MAFB: variants seen among roughly 807,000 people sequenced by gnomAD.
MAFB encodes MAF bZIP transcription factor B, also known as transcription factor MafB.
A neutral mutation model predicts 17.7 loss-of-function variants in MAFB; 3 were observed. The observed-to-expected ratio is 0.17, with a 90% CI of 0.08 to 0.44. The LOEUF (loss-of-function observed/expected upper bound fraction) is 0.44. Ranked by LOEUF, MAFB falls within the 20% of genes least tolerant of loss-of-function variation. The pLI is 0.99. For missense variants in MAFB, 355 were observed against 461.3 expected (o/e 0.77, Z 2.11); for synonymous variants, 214 against 211.5 (o/e 1.01, Z -0.10).
Position 40,689,167 on chromosome 20 carries a change from C to A in MAFB, c.-317G>T. On this transcript the variant is annotated 5_prime_UTR_variant, in exon 1 of 1. Transcript: ENST00000373313. ...GGAGGCGTGGGGCGAGTGCCCGTTG[C>A]TCGCTCTCTAGCTCTCTTGCTCTTA... is the stretch of plus-strand genomic sequence containing the variant. 1 of 385,292 alleles carries A rather than the reference C, an allele frequency of 2.6e-6. No homozygotes were observed. The highest frequency in any genetic ancestry group is 4.7e-6 in the Non-Finnish European group (1 of 214,718). The allele number at this position is 385,292 out of a possible 1,614,324, so 23.9% of individuals were successfully genotyped here.
chr20:40,688,859 C>A lies in MAFB; in HGVS notation c.-9G>T. On this transcript the variant is annotated 5_prime_UTR_variant, in exon 1 of 1. Transcript: ENST00000373313. ...CTCAGCTCCGCGGCCATCGCTGAAG[C>A]GAGGCGCAGCCGCCGCTGCCGCCCG... 1 of 1,577,358 alleles carries A rather than the reference C, an allele frequency of 6.3e-7. No individual in the cohort carries two copies.
In MAFB at chr20:40,687,637, G is replaced by C. The variant is rs1986860295; in HGVS notation, c.*242C>G. ...CTCCCACCCTCTCGTCTCTCTCTCC[G>C]GCTCTGCTCGAGTCTAGGAGGCGGC... On this transcript the variant is annotated 3_prime_UTR_variant, in exon 1 of 1. Transcript: ENST00000373313. 3.4e-6 allele frequency: 2 copies of C among 592,342 alleles called. No homozygotes were observed. The highest frequency in any genetic ancestry group is 1.9e-5 in the African/African-American group (1 of 53,738). 36.7% of individuals were successfully genotyped at this position (592,342 alleles called of 1,614,324 possible).
Position 40,687,567 on chromosome 20 carries a change from C to A in MAFB, c.*312G>T. 4 of 538,748 alleles carry A rather than the reference C, an allele frequency of 7.4e-6. No homozygotes were observed. Among genetic ancestry groups the A allele is most frequent in the South Asian group, 2.6e-5 (1 of 38,804 alleles). 33.4% of individuals were successfully genotyped at this position (538,748 alleles called of 1,614,324 possible). Reference sequence around the variant, plus strand: ...AGATGGCCTTGGTGACTTCTCGGGACTATGCCTCGCCGCCCTTCAGCCTGG... The same window carrying A: ...AGATGGCCTTGGTGACTTCTCGGGAATATGCCTCGCCGCCCTTCAGCCTGG... On this transcript the variant is annotated 3_prime_UTR_variant, in exon 1 of 1. Coordinates refer to ENST00000373313, the MANE Select transcript of MAFB (RefSeq NM_005461.5).
At position 40,688,695 on chromosome 20, in the gene MAFB, G is replaced by A. The variant is rs1156790263; in HGVS notation, c.156C>T (p.Ala52=). ...TGAGCGGTGTGGAGGACACCGAGCC[G>A]GCTGGCTGCAGGCGTGTGCAGGGCC... ...PGRPCTRLQP[A]GSVSSTPLST... Residue 52 remains alanine (A), a synonymous_variant, in exon 1 of 1, where the codon GCC becomes GCT. Transcript: ENST00000373313. The A allele has an allele frequency of 1.9e-6, 3 of 1,613,896 alleles. No homozygotes were observed. The highest frequency in any genetic ancestry group is 2.5e-6 in the Non-Finnish European group (3 of 1,179,914).
chr20:40,686,711 G>C lies in MAFB; in HGVS notation c.*1168C>G, dbSNP rs1986836547. ...ATTAAGGGTATCAATTTGACCATAAGACAAGGCTGTAGTCCAGAACACTCC... is the reference window on the plus strand; with the variant it reads ...ATTAAGGGTATCAATTTGACCATAACACAAGGCTGTAGTCCAGAACACTCC... On this transcript the variant is annotated 3_prime_UTR_variant, in exon 1 of 1. Coordinates refer to ENST00000373313, the MANE Select transcript of MAFB (RefSeq NM_005461.5). The C allele has an allele frequency of 2.5e-6, 1 of 398,468 alleles. No homozygotes were observed. Among genetic ancestry groups the C allele is most frequent in the African/African-American group, 2.1e-5 (1 of 48,618 alleles). 24.7% of individuals were successfully genotyped at this position (398,468 alleles called of 1,614,324 possible).
At position 40,687,741 on chromosome 20, in the gene MAFB, C is replaced by G. The variant is rs976593213; in HGVS notation, c.*138G>C. On this transcript the variant is annotated 3_prime_UTR_variant, in exon 1 of 1. Transcript: ENST00000373313. ...CGCCCGTCGCCCGCGGCCCGCGCGC[C>G]CTTCCTCCCTCTCGCTCAAGTCAAA... is the stretch of plus-strand genomic sequence containing the variant. The G allele has an allele frequency of 4.6e-5, 53 of 1,143,748 alleles. No individual in the cohort carries two copies. The highest frequency in any genetic ancestry group is 2.9e-5 in the Admixed American group (1 of 35,032). The allele number at this position is 1,143,748 out of a possible 1,614,324, so 70.8% of individuals were successfully genotyped here. A position where few individuals can be genotyped will look rare whatever the true frequency, so the allele number is the denominator to read the frequency against.
chr20:40,686,935 G>A lies in MAFB; in HGVS notation c.*944C>T. ...ACAAAGTTGTTTTCTGATGCAAAAT[G>A]CCCGGAACTTTTTCTTTTTTTTTTT... On this transcript the variant is annotated 3_prime_UTR_variant, in exon 1 of 1. Transcript: ENST00000373313. 2 of 393,760 alleles carry A rather than the reference G, an allele frequency of 5.1e-6. No homozygotes were observed. Among genetic ancestry groups the A allele is most frequent in the Admixed American group, 8.9e-5 (2 of 22,414 alleles). The allele number at this position is 393,760 out of a possible 1,614,324, so 24.4% of individuals were successfully genotyped here.
In MAFB at chr20:40,687,087, C is replaced by T. The variant is rs1345387630; in HGVS notation, c.*792G>A. 1 of 398,794 alleles carries T rather than the reference C, an allele frequency of 2.5e-6. No individual in the cohort carries two copies. The highest frequency in any genetic ancestry group is 4.4e-6 in the Non-Finnish European group (1 of 226,058). The allele number at this position is 398,794 out of a possible 1,614,324, so 24.7% of individuals were successfully genotyped here. On this transcript the variant is annotated 3_prime_UTR_variant, in exon 1 of 1. Transcript: ENST00000373313. The stretch of plus-strand genomic sequence containing the variant: ...AAGCCTACAGCTGGGACTGAAACCC[C>T]GCACGCAGCCGCCGGAGTTTCCAAA...
At position 40,686,187 on chromosome 20, in the gene MAFB, TC is replaced by T. The variant is rs1192301199; in HGVS notation, c.*1691del. The T allele has an allele frequency of 1.4e-5, 3 of 207,188 alleles. No individual in the cohort carries two copies. Among genetic ancestry groups the T allele is most frequent in the Non-Finnish European group, 3.0e-5 (3 of 101,512 alleles). The allele number at this position is 207,188 out of a possible 1,614,324, so 12.8% of individuals were successfully genotyped here. On this transcript the variant is annotated 3_prime_UTR_variant, in exon 1 of 1. Transcript: ENST00000373313. The stretch of plus-strand genomic sequence containing the variant: ...CAACTAATACAAACTCAAAAATGCA[TC>T]CGGCCAGCAGCGCCAGCAATTTCAA...
rs1986918892 is a variant in MAFB, at chr20:40,689,124, C to T, written c.-274G>A. On this transcript the variant is annotated 5_prime_UTR_variant, in exon 1 of 1. Transcript: ENST00000373313. ...GGGCGGGGTGGAGAGGCAAGCGGAG[C>T]GCGCGGTGGGGCTGAGGGGAGGCGT... The T allele has an allele frequency of 9.4e-6, 4 of 427,402 alleles. No homozygotes were observed. The East Asian group carries it at 1.5e-4, about 16-fold the overall frequency. The allele number at this position is 427,402 out of a possible 1,614,324, so 26.5% of individuals were successfully genotyped here. A position where few individuals can be genotyped will look rare whatever the true frequency, so the allele number is the denominator to read the frequency against.
Position 40,688,585 on chromosome 20 carries a change from G to T in MAFB, c.266C>A (p.Ala89Glu). 6.2e-7 allele frequency: 1 copy of T among 1,614,104 alleles called. No individual in the cohort carries two copies. The highest frequency in any genetic ancestry group is 8.5e-7 in the Non-Finnish European group (1 of 1,179,982). Residue 89 changes from alanine to glutamate, a missense_variant, in exon 1 of 1, where the codon GCG (alanine) becomes GAG (glutamate). Coordinates refer to ENST00000373313, the MANE Select transcript of MAFB (RefSeq NM_005461.5). The stretch of plus-strand genomic sequence containing the variant: ...GGGGTTCATCTGCTGGTAGTTGCTC[G>T]CCATCCAGTACAGATCCTCGAGGTG... ...KTHLEDLYWMASNYQQMNPEA... is the reference protein window; with the variant it reads ...KTHLEDLYWMESNYQQMNPEA...
Position 40,688,089 on chromosome 20 carries a change from A to T in MAFB, c.762T>A (p.Ser254=). ...RTLKNRGYAQ[S]CRYKRVQQKH... ...TCTGCTGGACGCGTTTATACCTGCA[A>T]GACTGGGCGTAGCCCCGGTTCTTCA... The change falls in exon 1 of 1, where the codon TCT becomes TCA. Residue 254 remains serine, a synonymous_variant. Coordinates refer to ENST00000373313, the MANE Select transcript of MAFB (RefSeq NM_005461.5). The T allele has an allele frequency of 6.2e-7, 1 of 1,614,008 alleles. No homozygotes were observed. The highest frequency in any genetic ancestry group is 8.5e-7 in the Non-Finnish European group (1 of 1,180,032).
chr20:40,688,933 A>G lies in MAFB; in HGVS notation c.-83T>C, dbSNP rs1986911101. 3 of 1,478,922 alleles carry G rather than the reference A, an allele frequency of 2.0e-6. No individual in the cohort carries two copies. Among genetic ancestry groups the G allele is most frequent in the South Asian group, 1.4e-5 (1 of 72,004 alleles). 91.6% of individuals were successfully genotyped at this position (1,478,922 alleles called of 1,614,324 possible). On this transcript the variant is annotated 5_prime_UTR_variant, in exon 1 of 1. Coordinates refer to ENST00000373313, the MANE Select transcript of MAFB (RefSeq NM_005461.5). ...CGCGCCGAGCCAAGCGCGGGGGGGA[A>G]GAGCGGAGAAGAGCTGGGGAGGCGG...
At position 40,688,929 on chromosome 20, in the gene MAFB, G is replaced by T. The variant is rs2123044696; in HGVS notation, c.-79C>A. 6.7e-7 allele frequency: 1 copy of T among 1,500,518 alleles called. No individual in the cohort carries two copies. The highest frequency in any genetic ancestry group is 8.8e-7 in the Non-Finnish European group (1 of 1,133,278). 93.0% of individuals were successfully genotyped at this position (1,500,518 alleles called of 1,614,324 possible). On this transcript the variant is annotated 5_prime_UTR_variant, in exon 1 of 1. Coordinates refer to ENST00000373313, the MANE Select transcript of MAFB (RefSeq NM_005461.5). ...GGAGCGCGCCGAGCCAAGCGCGGGG[G>T]GGAAGAGCGGAGAAGAGCTGGGGAG... is the stretch of plus-strand genomic sequence containing the variant.
chr20:40,686,750 G>A lies in MAFB; in HGVS notation c.*1129C>T. 5.0e-6 allele frequency: 2 copies of A among 398,660 alleles called. No homozygotes were observed. The highest frequency in any genetic ancestry group is 4.4e-5 in the Admixed American group (1 of 22,732). The allele number at this position is 398,660 out of a possible 1,614,324, so 24.7% of individuals were successfully genotyped here. A position where few individuals can be genotyped will look rare whatever the true frequency, so the allele number is the denominator to read the frequency against. ...CCAGAACACTCCTCTGGGGTGCGGA[G>A]CTTGGCAGCTTCCCTGCCCTGCCCT... On this transcript the variant is annotated 3_prime_UTR_variant, in exon 1 of 1. Coordinates refer to ENST00000373313, the MANE Select transcript of MAFB (RefSeq NM_005461.5).
chr20:40,689,009 ACG>A lies in MAFB; in HGVS notation c.-161_-160del. On this transcript the variant is annotated 5_prime_UTR_variant, in exon 1 of 1. Transcript: ENST00000373313. ...CCGCCGGCCAAGCCTTTGTCTGGGG[ACG>A]CGGCGGCGCGCCGGAGAGTCCCGAG... 1 of 1,069,750 alleles carries A rather than the reference ACG, an allele frequency of 9.3e-7. No individual in the cohort carries two copies. The highest frequency in any genetic ancestry group is 3.2e-4 in the Middle Eastern group (1 of 3,148). The allele number at this position is 1,069,750 out of a possible 1,614,324, so 66.3% of individuals were successfully genotyped here.
Position 40,686,033 on chromosome 20 carries a change from A to C in MAFB, c.*1846T>G, listed in dbSNP as rs1461572718. The C allele has an allele frequency of 4.2e-5, 8 of 191,514 alleles. No homozygotes were observed. In the Admixed American group the frequency reaches 4.9e-4, roughly 12 times the overall value. 11.9% of individuals were successfully genotyped at this position (191,514 alleles called of 1,614,324 possible). Reference sequence around the variant, plus strand: ...AAATAAAAACAATTTCTGTTGCGGCAGGTTTGATTTCAACACAGTTGAATC... The same window carrying C: ...AAATAAAAACAATTTCTGTTGCGGCCGGTTTGATTTCAACACAGTTGAATC... On this transcript the variant is annotated 3_prime_UTR_variant, in exon 1 of 1. Transcript: ENST00000373313.
Position 40,687,582 on chromosome 20 carries a change from CT to C in MAFB, c.*296del. ...CTTCTCGGGACTATGCCTCGCCGCC[CT>C]TCAGCCTGGAGAGAAGTTACTCCGG... On this transcript the variant is annotated 3_prime_UTR_variant, in exon 1 of 1. Coordinates refer to ENST00000373313, the MANE Select transcript of MAFB (RefSeq NM_005461.5). The C allele has an allele frequency of 1.8e-6, 1 of 551,070 alleles. No homozygotes were observed. Among genetic ancestry groups the C allele is most frequent in the Non-Finnish European group, 3.2e-6 (1 of 309,996 alleles). The allele number at this position is 551,070 out of a possible 1,614,324, so 34.1% of individuals were successfully genotyped here. A position where few individuals can be genotyped will look rare whatever the true frequency, so the allele number is the denominator to read the frequency against.
chr20:40,689,215 C>G lies in MAFB; in HGVS notation c.-365G>C. On this transcript the variant is annotated 5_prime_UTR_variant, in exon 1 of 1. Transcript: ENST00000373313. ...TTACGCTCTCTCGCTCGCAGCCGCT[C>G]GCAGCTCGGCGGTGCAGCTGTGCTG... is the stretch of plus-strand genomic sequence containing the variant. 3.5e-6 allele frequency: 1 copy of G among 288,470 alleles called. No homozygotes were observed. The highest frequency in any genetic ancestry group is 6.5e-6 in the Non-Finnish European group (1 of 153,188). 17.9% of individuals were successfully genotyped at this position (288,470 alleles called of 1,614,324 possible). A position where few individuals can be genotyped will look rare whatever the true frequency, so the allele number is the denominator to read the frequency against.
Sources: gnomAD v4.1 joint callset for allele counts on GRCh38, gnomAD v4.1.1 for gene constraint, MANE v1.5 for transcripts, NCBI Gene and HGNC (gene_info 2026-07-23, HGNC 2026-07-21) for gene names.